Variants in CCNY observed in about 807,000 individuals in gnomAD.
The protein encoded by CCNY is cyclin Y, also known as cyclin-Y.
In CCNY, 19 loss-of-function variants were observed where a neutral mutation model predicts 42.8. The observed-to-expected ratio is 0.44, with a 90% CI of 0.31 to 0.65. The LOEUF is 0.65. Ranked by LOEUF, CCNY falls within the 30% of genes least tolerant of loss-of-function variation. The pLI, the probability that CCNY is intolerant of heterozygous loss-of-function variation, is 0.07. For missense variants in CCNY, 370 were observed against 437.3 expected, an observed-to-expected ratio of 0.85 and a Z score of 1.37; for synonymous variants, 165 against 162.7, an observed-to-expected ratio of 1.01 and a Z score of -0.11.
rs745657758 is a variant in CCNY at position 35,569,974 on chromosome 10, TG to T, written c.*805del. On this transcript the variant is annotated 3_prime_UTR_variant, in exon 10 of 10. Transcript: ENST00000374704. ...ATTTGTTTTTTTCCTGACCTGAAGT[TG>T]TTGTTACAAAATCAGTCAGACTTTG... is the stretch of plus-strand genomic sequence containing the variant. 1.4e-3 allele frequency: 218 copies of T among 152,776 alleles called. 1 individual carries two copies. The highest frequency in any genetic ancestry group is 2.6e-3 in the Non-Finnish European group (180 of 68,052). 9.5% of individuals were successfully genotyped at this position (152,776 alleles called of 1,614,324 possible).
chr10:35,249,078 G>A (rs993775027), intron 2 of CCNY, among the ~76,000 whole-genome samples: 10 of 152,122 alleles, frequency 6.6e-5, no homozygotes, highest in African/African-American at 2.2e-4. Context: ...CCCAACAGGT[G>A]CATGCCACCA....
At chr10:35,558,404 T>C (rs1841402293) in intron 8 of CCNY, among the ~76,000 whole-genome samples, 1 of 152,190 alleles carries the variant, frequency 6.6e-6, no homozygotes, top group African/African-American at 2.4e-5. Context: ...CCTAATGCTG[T>C]GTTCTCAAGC....
intron 7 of CCNY, among the ~76,000 whole-genome samples, chr10:35,544,957 C>T (rs1012635394): frequency 1.3e-5 from 2 of 152,122 alleles, no homozygotes; most frequent in Admixed American, 1.3e-4. Context: ...GCAAAGGCCT[C>T]CTTTTAGAGG....
At chr10:35,386,445 G>A (rs1439977255) in intron 1 of CCNY, among the ~76,000 whole-genome samples, 1 of 152,220 alleles carries the variant, frequency 6.6e-6, no homozygotes, top group Non-Finnish European at 1.5e-5. Flanking sequence ...TTGTTCTTTA[G>A]TAGTGACTGA....
intron 1 of CCNY, among the ~76,000 whole-genome samples, chr10:35,374,943 G>A (rs563912579): frequency 1.3e-5 from 2 of 152,148 alleles, no homozygotes; most frequent in African/African-American, 2.4e-5. Context: ...TGGAAAAAAG[G>A]GTTCTCAGAC....
At chr10:35,495,950 G>A (rs906685224) in intron 2 of CCNY, among the ~76,000 whole-genome samples, 4 of 152,122 alleles carry the variant, frequency 2.6e-5, no homozygotes, top group African/African-American at 9.7e-5. Context: ...GGAACTGTGT[G>A]GTCATCTCAA....
chr10:35,258,503 G>C (rs1374664780), intron 3 of CCNY, among the ~76,000 whole-genome samples: 3 of 152,168 alleles, frequency 2.0e-5, no homozygotes, highest in Non-Finnish European at 4.4e-5. Context: ...AATGACAGAG[G>C]TGCAACAAAA....
intron 8 of CCNY, among the ~76,000 whole-genome samples, chr10:35,564,956 G>A (rs1261024576): frequency 2.0e-5 from 3 of 152,286 alleles, no homozygotes; most frequent in African/African-American, 2.4e-5. Context: ...AAGGACAGGA[G>A]GTTTCCTGGA....
intron 3 of CCNY, among the ~76,000 whole-genome samples, chr10:35,283,682 C>A (rs993999270): frequency 6.6e-6 from 1 of 152,134 alleles, no homozygotes; most frequent in Non-Finnish European, 1.5e-5. Context: ...GGATTACAGG[C>A]GTGAGCCACT....
intron 1 of CCNY, among the ~76,000 whole-genome samples, chr10:35,375,591 A>C (rs1378627105): frequency 6.6e-6 from 1 of 152,222 alleles, no homozygotes; most frequent in East Asian, 1.9e-4. Flanking sequence ...TTTGTGGGGT[A>C]CTGAAGTTCA....
At chr10:35,378,349 C>G (rs1837100040) in intron 1 of CCNY, among the ~76,000 whole-genome samples, 1 of 152,164 alleles carries the variant, frequency 6.6e-6, no homozygotes, top group Non-Finnish European at 1.5e-5. Context: ...ATTCTGACTT[C>G]TGTGTGATGA....
intron 3 of CCNY, among the ~76,000 whole-genome samples, chr10:35,279,201 C>T (rs1179189337): frequency 2.0e-5 from 3 of 151,108 alleles, no homozygotes; most frequent in African/African-American, 4.9e-5. Context: ...TTGCAACCTC[C>T]GTCTCCCCAG....
chr10:35,321,167 G>C (rs1373379456), intron 3 of CCNY, among the ~76,000 whole-genome samples: 1 of 148,088 alleles, frequency 6.8e-6, no homozygotes, highest in Non-Finnish European at 1.5e-5. Flanking sequence ...ATTTACTATA[G>C]TATCAAAAAC....
intron 3 of CCNY, among the ~76,000 whole-genome samples, chr10:35,325,882 C>G (rs753104419): frequency 6.1e-4 from 92 of 151,994 alleles, no homozygotes; most frequent in Non-Finnish European, 1.1e-3. Flanking sequence ...AGTTCGAGAC[C>G]AGCCTGGGCA....
intron 7 of CCNY, among the ~76,000 whole-genome samples, chr10:35,533,614 A>T (rs1355049290): frequency 6.6e-6 from 1 of 152,152 alleles, no homozygotes; most frequent in African/African-American, 2.4e-5. Flanking sequence ...AGGGCACATC[A>T]GGGGGCTGTT....
At chr10:35,266,249 C>CTTTTTTTTTTTTTTT (rs773886027) in intron 3 of CCNY, among the ~76,000 whole-genome samples, 5 of 110,128 alleles carry the variant, frequency 4.5e-5, no homozygotes, top group South Asian at 3.3e-4. Context: ...GGCTAATTTC[C>CTTTTTTTTTTTTTTT]TTTTTTTTTT....
chr10:35,426,876 G>T (rs1838284827), intron 1 of CCNY, among the ~76,000 whole-genome samples: 1 of 152,170 alleles, frequency 6.6e-6, no homozygotes, highest in African/African-American at 2.4e-5. Context: ...TCCACAGCCT[G>T]CATATCACAA....
chr10:35,333,669 G>C (rs955812765), upstream of CCNY, among the ~76,000 whole-genome samples: 1 of 152,156 alleles, frequency 6.6e-6, no homozygotes. Context: ...ATAAAATGGG[G>C]TATAACTTAA....
intron 7 of CCNY, among the ~76,000 whole-genome samples, chr10:35,551,050 C>T (rs868077472): frequency 9.2e-5 from 14 of 152,188 alleles, no homozygotes; most frequent in Middle Eastern, 3.2e-3. Flanking sequence ...ACCTCTTCCT[C>T]CCCAGTGCAC....
Sources: gnomAD v4.1 joint callset for allele counts (sites outside exome capture counted in the v4.1 genomes callset) on GRCh38, gnomAD v4.1.1 for gene constraint, MANE v1.5 for transcripts, NCBI Gene and HGNC (gene_info 2026-07-23, HGNC 2026-07-21) for gene names.